The following OSMR variants were observed in gnomAD, a reference collection of about 807,000 sequenced individuals.
OSMR encodes the protein oncostatin M receptor.
In OSMR, 81 loss-of-function variants were observed where a neutral mutation model predicts 99.9. That is an observed-to-expected ratio of 0.81 (90% CI 0.68 to 0.97). The LOEUF (loss-of-function observed/expected upper bound fraction) is 0.97, where lower values mean the gene tolerates loss of function less well. Ranked by LOEUF, OSMR falls within the 50% of genes least tolerant of loss-of-function variation. The probability of loss-of-function intolerance (pLI) is 0.00; values close to 1 mark genes in which losing one functional copy is unlikely to be tolerated. For missense variants in OSMR, 1,099 were observed against 1,153.4 expected (o/e 0.95, Z 0.68); for synonymous variants, 406 against 410.4 (o/e 0.99, Z 0.13).
intron 1 of OSMR, among the ~76,000 whole-genome samples, chr5:38,859,269 A>AT (rs2112112393): frequency 6.6e-6 from 1 of 152,172 alleles, no homozygotes; most frequent in East Asian, 1.9e-4. Context: ...TTTGGAGTTT[A>AT]TTTTTGTCTA....
chr5:38,914,683 C>G, intron 9 of OSMR, among the ~76,000 whole-genome samples: 1 of 152,184 alleles, frequency 6.6e-6, no homozygotes, highest in East Asian at 1.9e-4. Context: ...TTCCTCCCAG[C>G]AACATGGATG....
rs1489812056 is a variant in OSMR, at chr5:38,877,793, A to C, written c.246+1420A>C. On this transcript the variant is annotated intron_variant, in intron 3 of 17. Coordinates refer to ENST00000274276, the MANE Select transcript of OSMR (RefSeq NM_003999.3). ...TTTTTCCAAAAGACAACTCATATCT[A>C]TTATTATGTTACAAAAAATAATATT... Among the ~76,000 whole-genome samples, 3 of 152,312 alleles carry C rather than the reference A, an allele frequency of 2.0e-5. No individual in the cohort carries two copies. The East Asian group carries it at 5.8e-4, about 29-fold the overall frequency.
Position 38,903,950 on chromosome 5 carries a change from A to C in OSMR, c.1060A>C (p.Lys354Gln). 6.2e-7 allele frequency: 1 copy of C among 1,614,030 alleles called. No homozygotes were observed. The highest frequency in any genetic ancestry group is 8.5e-7 in the Non-Finnish European group (1 of 1,179,942). The change falls in exon 8 of 18, where the codon AAG (lysine) becomes CAG (glutamine). Residue 354 changes from lysine (K) to glutamine (Q), a missense_variant. Transcript: ENST00000274276. ...TGCCACAAATGCCATCATGACCTGG[A>C]AGGTGCACTCCATAAGGAATAATTT... is the stretch of plus-strand genomic sequence containing the variant. ...VNATNAIMTW[K>Q]VHSIRNNFTY... is the part of the protein sequence containing the mutation.
intron 1 of OSMR, among the ~76,000 whole-genome samples, chr5:38,848,195 CTG>C (rs1302399919): frequency 1.3e-5 from 2 of 152,208 alleles, no homozygotes; most frequent in Non-Finnish European, 2.9e-5. Flanking sequence ...CTTACAGGAA[CTG>C]TGAGCCTTGG....
chr5:38,944,175 G>C (rs147798477), intron 1 of OSMR: 6 of 525,062 alleles, frequency 1.1e-5, no homozygotes, highest in Admixed American at 4.5e-5. Context: ...AGTGAGAAGA[G>C]TGGCATTATT....
intron 3 of OSMR, 151 bp from the exon 4 acceptor site, chr5:38,881,442 A>G (rs1358692492): frequency 2.6e-6 from 4 of 1,537,848 alleles, no homozygotes; most frequent in South Asian, 1.2e-5. Flanking sequence ...GCATCAGAAC[A>G]TGGGGAATTG....
chr5:38,923,199 T>C lies in OSMR; in HGVS notation c.1815T>C (p.Ser605=), dbSNP rs1346507484. 2 of 1,613,104 alleles carry C rather than the reference T, an allele frequency of 1.2e-6. No individual in the cohort carries two copies. The highest frequency in any genetic ancestry group is 1.7e-6 in the Non-Finnish European group (2 of 1,179,190). ...ATGACTTCAGAATTTATGGGTTATC[T>C]ACAAAAAGGATTGCTTGTTTATTAG... ...VRYDFRIYGL[S]TKRIACLLEK... is the part of the protein sequence containing the mutation. Residue 605 remains serine (S), a synonymous_variant, in exon 13 of 18, where the codon TCT becomes TCC. Coordinates refer to ENST00000274276, the MANE Select transcript of OSMR (RefSeq NM_003999.3).
At chr5:38,925,053 GA>G in intron 14 of OSMR, 150 bp from the exon 15 acceptor site, 1 of 1,485,720 alleles carries the variant, frequency 6.7e-7, no homozygotes, top group South Asian at 1.4e-5. Flanking sequence ...CCATGGTGAT[GA>G]AATTATGATT....
At chr5:38,935,648 G>GT (rs1418761844), downstream of OSMR, 2 of 152,138 alleles carry the variant, frequency 1.3e-5, no homozygotes, top group African/African-American at 4.8e-5. Context: ...ATCACATTGT[G>GT]TTTTATCTCC....
At chr5:38,924,391 AC>A in intron 13 of OSMR, 30 bp from the exon 14 acceptor site, 1 of 1,613,856 alleles carries the variant, frequency 6.2e-7, no homozygotes, top group Non-Finnish European at 8.5e-7. Context: ...CCAAATCATG[AC>A]TTTTCTCTTA....
chr5:38,926,879 T>C (rs1746497266), intron 15 of OSMR, among the ~76,000 whole-genome samples: 1 of 152,184 alleles, frequency 6.6e-6, no homozygotes, highest in Admixed American at 6.5e-5. Context: ...TATGAGCCTG[T>C]AAAATTTAAA....
In OSMR at chr5:38,884,041, A is replaced by C. The variant is rs752685917; in HGVS notation, c.633A>C (p.Thr211=). The C allele has an allele frequency of 6.2e-7, 1 of 1,614,040 alleles. No individual in the cohort carries two copies. The highest frequency in any genetic ancestry group is 2.2e-5 in the East Asian group (1 of 44,872). Residue 211 remains threonine, a synonymous_variant, in exon 5 of 18, where the codon ACA becomes ACC. Coordinates refer to ENST00000274276, the MANE Select transcript of OSMR (RefSeq NM_003999.3). ...NSVPFIRNKG[T]NIYCEASQGN... is the part of the protein sequence containing the mutation. ...TGCCTTTCATTAGGAATAAAGGGAC[A>C]AATATCTATTGTGAGGCAAGTCAAG...
At chr5:38,922,074 T>A (rs1387752201) in intron 12 of OSMR, among the ~76,000 whole-genome samples, 1 of 152,196 alleles carries the variant, frequency 6.6e-6, no homozygotes, top group African/African-American at 2.4e-5. Flanking sequence ...CAGAAGGACA[T>A]TATTATAACA....
rs758018785 is a variant in OSMR at position 38,881,689 on chromosome 5, A to G, written c.343A>G (p.Lys115Glu). The G allele has an allele frequency of 1.9e-6, 3 of 1,614,094 alleles. No homozygotes were observed. Among genetic ancestry groups the G allele is most frequent in the Non-Finnish European group, 2.5e-6 (3 of 1,180,032 alleles). ...LECATHFVRI[K>E]SLVDDAKFPE... ...ATGTGCCACACACTTTGTAAGAATA[A>G]AGAGTTTGGTGGACGATGCCAAGTT... Residue 115 changes from lysine (K) to glutamate (E), a missense_variant, in exon 4 of 18, where the codon AAG (lysine) becomes GAG (glutamate). Coordinates refer to ENST00000274276, the MANE Select transcript of OSMR (RefSeq NM_003999.3).
Position 38,879,656 on chromosome 5 carries a change from C to T in OSMR, c.247-1937C>T, listed in dbSNP as rs562548325. On this transcript the variant is annotated intron_variant, in intron 3 of 17. Coordinates refer to ENST00000274276, the MANE Select transcript of OSMR (RefSeq NM_003999.3). ...TTTTTTTTTTTGAGATGGAGTCTCA[C>T]TCTGTTGCCCAGGGTGGAGTGCAGT... is the stretch of plus-strand genomic sequence containing the variant. Among the ~76,000 whole-genome samples, 71 of 143,986 alleles carry T rather than the reference C, an allele frequency of 4.9e-4. 1 individual carries two copies. In the South Asian group the frequency reaches 7.0e-3, roughly 14 times the overall value. 94.5% of individuals were successfully genotyped at this position (143,986 alleles called of 152,430 possible).
chr5:38,867,362 T>C (rs763007375), intron 1 of OSMR, among the ~76,000 whole-genome samples: 5 of 152,252 alleles, frequency 3.3e-5, no homozygotes, highest in Admixed American at 6.5e-5. Context: ...CTGTAAAATA[T>C]TATTTTTTAA....
In OSMR at chr5:38,853,807, C is replaced by T. The variant is rs541022070; in HGVS notation, c.-14+7420C>T. 2.2e-4 allele frequency among the ~76,000 whole-genome samples: 34 copies of T among 152,266 alleles called. 1 individual carries two copies. Among genetic ancestry groups the T allele is most frequent in the Non-Finnish European group, 4.6e-4 (31 of 68,030 alleles). Reference sequence around the variant, plus strand: ...ATTCAATTTTATAAATCAGGATTTACCTTATAACACTGGTGGAAACACTTA... The same window carrying T: ...ATTCAATTTTATAAATCAGGATTTATCTTATAACACTGGTGGAAACACTTA... On this transcript the variant is annotated intron_variant, in intron 1 of 17. Transcript: ENST00000274276.
chr5:38,851,732 G>A (rs968930346), intron 1 of OSMR, among the ~76,000 whole-genome samples: 8 of 152,170 alleles, frequency 5.3e-5, no homozygotes, highest in East Asian at 1.9e-4. Context: ...TGGTTTGGCT[G>A]TGTCCCCACC....
rs147710215 is a variant in OSMR at position 38,886,335 on chromosome 5, G to A, written c.991+145G>A. 3.6e-4 allele frequency: 533 copies of A among 1,497,490 alleles called. 1 individual carries two copies. The highest frequency in any genetic ancestry group is 4.5e-4 in the Non-Finnish European group (513 of 1,127,506). 92.8% of individuals were successfully genotyped at this position (1,497,490 alleles called of 1,614,324 possible). On this transcript the variant is annotated intron_variant, in intron 7 of 17. Transcript: ENST00000274276. Reference sequence around the variant, plus strand: ...AATTTATACCTATTGTTCATGCCACGTTTCTCCTCATGGATGCACGCATCC... The same window carrying A: ...AATTTATACCTATTGTTCATGCCACATTTCTCCTCATGGATGCACGCATCC...
Sources: gnomAD v4.1 joint callset for allele counts (sites outside exome capture counted in the v4.1 genomes callset) on GRCh38, gnomAD v4.1.1 for gene constraint, MANE v1.5 for transcripts, NCBI Gene and HGNC (gene_info 2026-07-23, HGNC 2026-07-21) for gene names.